UXS1: variants seen among roughly 807,000 people sequenced by gnomAD.
The protein encoded by UXS1 is UDP-glucuronic acid decarboxylase 1.
UXS1 carries 33 observed loss-of-function variants against 62.6 expected under a neutral mutation model. The ratio of observed to expected loss-of-function variants is 0.53; its 90% CI spans 0.40 to 0.70. The LOEUF is 0.70. Among genes scored for constraint, UXS1 ranks in the 30% least tolerant of loss-of-function variants. UXS1 has a pLI of 0.00. For synonymous variants in UXS1, 213 were observed against 206.8 expected (o/e 1.03, Z -0.26); for missense variants, 434 against 556.3 (o/e 0.78, Z 2.21).
At chr2:106,161,190 T>C (rs992765342) in intron 4 of UXS1, among the ~76,000 whole-genome samples, 3 of 148,852 alleles carry the variant, frequency 2.0e-5, no homozygotes, top group African/African-American at 7.4e-5. Flanking sequence ...CACAAGGCCT[T>C]TTTTTTTTTT....
In UXS1 at chr2:106,093,341, A is replaced by G. The variant is rs1355529789; in HGVS notation, c.*685T>C. On this transcript the variant is annotated 3_prime_UTR_variant, in exon 15 of 15. Transcript: ENST00000283148. ...AGTTTCAATAATTTATTAAAATAGCATATTTAACCATGGTTAACCAAGAAT... is the reference window on the plus strand; with the variant it reads ...AGTTTCAATAATTTATTAAAATAGCGTATTTAACCATGGTTAACCAAGAAT... 2.6e-5 allele frequency: 4 copies of G among 152,346 alleles called. No homozygotes were observed. Among genetic ancestry groups the G allele is most frequent in the African/African-American group, 7.2e-5 (3 of 41,448 alleles). 9.4% of individuals were successfully genotyped at this position (152,346 alleles called of 1,614,324 possible).
chr2:106,096,179 CAG>C (rs1677069603), intron 14 of UXS1, among the ~76,000 whole-genome samples: 1 of 144,426 alleles, frequency 6.9e-6, no homozygotes. Context: ...CGTTCACAGT[CAG>C]GGGTGTGTGT....
At chr2:106,096,592 T>C in intron 14 of UXS1, 126 bp downstream of exon 14, 1 of 708,600 alleles carries the variant, frequency 1.4e-6, no homozygotes, top group Non-Finnish European at 2.3e-6. Context: ...ACCCTCTATC[T>C]GCCTGGATGC....
chr2:106,194,088 G>T, intron 1 of UXS1, 60 bp downstream of exon 1: 1 of 1,360,482 alleles, frequency 7.4e-7, no homozygotes. Context: ...CCGCCGCCCG[G>T]CCCACCGCGG....
chr2:106,165,925 T>G lies in UXS1; in HGVS notation c.122+131A>C, dbSNP rs1683183490. The G allele has an allele frequency of 7.6e-6, 6 of 794,122 alleles. No homozygotes were observed. The East Asian group carries it at 1.8e-4, about 23-fold the overall frequency. 49.2% of individuals were successfully genotyped at this position (794,122 alleles called of 1,614,324 possible). A position where few individuals can be genotyped will look rare whatever the true frequency, so the allele number is the denominator to read the frequency against. On this transcript the variant is annotated intron_variant, in intron 2 of 14. Coordinates refer to ENST00000283148, the MANE Select transcript of UXS1 (RefSeq NM_001253875.2). ...GGAGAAAAGAAACAGCTCAGATATGTGAATAGCAAGAACCCACTTTTGTTT... is the reference window on the plus strand; with the variant it reads ...GGAGAAAAGAAACAGCTCAGATATGGGAATAGCAAGAACCCACTTTTGTTT...
At chr2:106,163,629 ATT>A (rs1286265726) in intron 4 of UXS1, 36 bp downstream of exon 4, 2 of 1,390,932 alleles carry the variant, frequency 1.4e-6, no homozygotes, top group African/African-American at 1.5e-5. Context: ...AGACAAACTT[ATT>A]TTAACTATTG....
chr2:106,102,729 C>T (rs1199194859), intron 11 of UXS1: 4 of 152,026 alleles, frequency 2.6e-5, no homozygotes, highest in East Asian at 1.9e-4. Context: ...ACCCAGACAT[C>T]GTGCATTACT....
At chr2:106,172,071 G>A (rs1172844077) in intron 1 of UXS1, among the ~76,000 whole-genome samples, 6 of 152,232 alleles carry the variant, frequency 3.9e-5, no homozygotes, top group Admixed American at 3.3e-4. Flanking sequence ...CAAACTCAGC[G>A]CTTGCGGATG....
At chr2:106,125,859 A>G (rs1679896000) in intron 7 of UXS1, among the ~76,000 whole-genome samples, 180 bp from the exon 8 acceptor site, 1 of 152,246 alleles carries the variant, frequency 6.6e-6, no homozygotes, top group Non-Finnish European at 1.5e-5. Context: ...AGAAAAACAT[A>G]AATGGATTCT....
Position 106,123,109 on chromosome 2 carries a change from T to C in UXS1, c.638-18A>G, listed in dbSNP as rs747552442. The C allele has an allele frequency of 1.2e-6, 2 of 1,613,234 alleles. No individual in the cohort carries two copies. The highest frequency in any genetic ancestry group is 1.7e-5 in the Admixed American group (1 of 59,962). Reference sequence around the variant, plus strand: ...TTCAGGATCTACGATGGGAGAAAAGTGAGACTGTTTTCATCTTTCCTTTTT... The same window carrying C: ...TTCAGGATCTACGATGGGAGAAAAGCGAGACTGTTTTCATCTTTCCTTTTT... On this transcript the variant is annotated intron_variant, in intron 8 of 14. Coordinates refer to ENST00000283148, the MANE Select transcript of UXS1 (RefSeq NM_001253875.2).
chr2:106,145,316 C>A lies in UXS1; in HGVS notation c.346G>T (p.Asp116Tyr). ...TCCACCACGGTCACCTCGTGGCCGT[C>A]CATCATGAGTTTGTCAGTTAGATGG... ...GSHLTDKLMMDGHEVTVVDNF... is the reference protein window; with the variant it reads ...GSHLTDKLMMYGHEVTVVDNF... The change falls in exon 6 of 15, where the codon GAC becomes TAC. Residue 116 changes from aspartate to tyrosine, a missense_variant. This residue lies in a region of UXS1 where 134 missense variants were observed against 251.9 expected (regional missense o/e 0.53). Coordinates refer to ENST00000283148, the MANE Select transcript of UXS1 (RefSeq NM_001253875.2). 1 of 1,613,864 alleles carries A rather than the reference C, an allele frequency of 6.2e-7. No homozygotes were observed. The highest frequency in any genetic ancestry group is 2.2e-5 in the East Asian group (1 of 44,886).
intron 1 of UXS1, among the ~76,000 whole-genome samples, chr2:106,189,345 G>T (rs1242309808): frequency 6.6e-6 from 1 of 152,202 alleles, no homozygotes; most frequent in Non-Finnish European, 1.5e-5. Flanking sequence ...GCCCTCAGAG[G>T]CCTACAACAA....
Position 106,116,879 on chromosome 2 carries a change from T to C in UXS1, c.760-4114A>G, listed in dbSNP as rs550372615. On this transcript the variant is annotated intron_variant, in intron 9 of 14. Transcript: ENST00000283148. Reference sequence around the variant, plus strand: ...ACACAAACGTTCATGGACCTGGTTATGTCTGACCTTGCCCTGCTCACGACA... The same window carrying C: ...ACACAAACGTTCATGGACCTGGTTACGTCTGACCTTGCCCTGCTCACGACA... Among the ~76,000 whole-genome samples, 231 of 152,344 alleles carry C rather than the reference T, an allele frequency of 1.5e-3. 1 individual carries two copies. Among genetic ancestry groups the C allele is most frequent in the Non-Finnish European group, 2.6e-3 (174 of 68,040 alleles).
chr2:106,190,409 A>C (rs943830994), intron 1 of UXS1, among the ~76,000 whole-genome samples: 2 of 152,160 alleles, frequency 1.3e-5, no homozygotes, highest in Non-Finnish European at 2.9e-5. Flanking sequence ...CAGGTGATTC[A>C]ATGGCACAAT....
rs1488697368 is a variant in UXS1 at position 106,145,186 on chromosome 2, T to C, written c.472+4A>G. The C allele has an allele frequency of 6.2e-7, 1 of 1,611,828 alleles. No homozygotes were observed. Among genetic ancestry groups the C allele is most frequent in the South Asian group, 1.1e-5 (1 of 90,710 alleles). ...AATAATAACAATGTGCAGTTTTCACTCACCCTCGATGTAGAGGGGCTCCAC... is the reference window on the plus strand; with the variant it reads ...AATAATAACAATGTGCAGTTTTCACCCACCCTCGATGTAGAGGGGCTCCAC... On this transcript the variant is annotated splice_donor_region_variant and intron_variant, in intron 6 of 14. Coordinates refer to ENST00000283148, the MANE Select transcript of UXS1 (RefSeq NM_001253875.2).
At chr2:106,108,619 G>A (rs772275587) in intron 10 of UXS1, among the ~76,000 whole-genome samples, 4 of 152,196 alleles carry the variant, frequency 2.6e-5, no homozygotes, top group Non-Finnish European at 5.9e-5. Flanking sequence ...CAGGAGAGAT[G>A]CCAGGAGATT....
intron 5 of UXS1, 70 bp from the exon 6 acceptor site, chr2:106,145,440 A>C: frequency 1.3e-6 from 2 of 1,490,130 alleles, no homozygotes; most frequent in Non-Finnish European, 1.8e-6. Context: ...GACCAGCTCC[A>C]CGGAGAGACA....
rs1299511234 is a variant in UXS1 at position 106,101,462 on chromosome 2, A to G, written c.924-344T>C. 1.4e-5 allele frequency: 3 copies of G among 210,520 alleles called. No individual in the cohort carries two copies. In the Admixed American group the frequency reaches 1.7e-4, roughly 12 times the overall value. The allele number at this position is 210,520 out of a possible 1,614,324, so 13.0% of individuals were successfully genotyped here. On this transcript the variant is annotated intron_variant, in intron 11 of 14. Coordinates refer to ENST00000283148, the MANE Select transcript of UXS1 (RefSeq NM_001253875.2). The stretch of plus-strand genomic sequence containing the variant: ...TAAGCATAAGTTAAAACAGGCATAC[A>G]CTCAAAAAAGATGGAGTTTACATAA...
At position 106,096,676 on chromosome 2, in the gene UXS1, G is replaced by A. The variant is rs751470769; in HGVS notation, c.1146+42C>T. The A allele has an allele frequency of 4.0e-6, 6 of 1,510,548 alleles. No homozygotes were observed. The South Asian group carries it at 6.5e-5, about 16-fold the overall frequency. The allele number at this position is 1,510,548 out of a possible 1,614,324, so 93.6% of individuals were successfully genotyped here. Reference sequence around the variant, plus strand: ...ACAGGACAGCAGACACAGGACACGGGAGGCCCCTCCCCACAAGGCAGCATT... The same window carrying A: ...ACAGGACAGCAGACACAGGACACGGAAGGCCCCTCCCCACAAGGCAGCATT... On this transcript the variant is annotated intron_variant, in intron 14 of 14. Coordinates refer to ENST00000283148, the MANE Select transcript of UXS1 (RefSeq NM_001253875.2).
Sources: allele counts gnomAD v4.1 joint callset (sites outside exome capture counted in the v4.1 genomes callset), GRCh38; gene constraint gnomAD v4.1.1; regional missense constraint gnomAD v4.1.1; transcripts MANE v1.5; gene names NCBI Gene and HGNC (gene_info 2026-07-23, HGNC 2026-07-21).